ATL1: variants seen among roughly 807,000 people sequenced by gnomAD.
The protein encoded by ATL1 is atlastin-1.
Under a neutral mutation model 75.5 loss-of-function variants are expected in ATL1, and 31 were observed. The ratio of observed to expected loss-of-function variants is 0.41; its 90% CI spans 0.31 to 0.55. The LOEUF (loss-of-function observed/expected upper bound fraction) is 0.55. Among genes scored for constraint, ATL1 ranks in the 20% least tolerant of loss-of-function variants. ATL1 has a pLI of 0.27. For missense variants in ATL1, 405 were observed against 662.6 expected, an observed-to-expected ratio of 0.61 and a Z score of 4.27; for synonymous variants, 226 against 233.3, an observed-to-expected ratio of 0.97 and a Z score of 0.28.
intron 6 of ATL1, among the ~76,000 whole-genome samples, chr14:50,600,862 G>GA (rs2039265142): frequency 6.6e-6 from 1 of 152,106 alleles, no homozygotes; most frequent in African/African-American, 2.4e-5. Flanking sequence ...AGTACTTTGG[G>GA]AGGAGGAGGC....
At position 50,560,152 on chromosome 14, in the gene ATL1, G is replaced by C; in HGVS notation, c.-114G>C. 7.7e-7 allele frequency: 1 copy of C among 1,291,256 alleles called. No individual in the cohort carries two copies. The highest frequency in any genetic ancestry group is 1.3e-5 in the South Asian group (1 of 79,632). 80.0% of individuals were successfully genotyped at this position (1,291,256 alleles called of 1,614,324 possible). ...CGCCACAGCAACATCCTCAGAGTCT[G>C]AGCGAACTGCGCCCAGCGCGGGCAC... On this transcript the variant is annotated 5_prime_UTR_variant, in exon 1 of 14. Transcript: ENST00000358385.
chr14:50,629,366 G>A (rs1265228321), intron 12 of ATL1, among the ~76,000 whole-genome samples: 1 of 152,094 alleles, frequency 6.6e-6, no homozygotes. Flanking sequence ...CGGATCATCT[G>A]AGGTCGGGAG....
At chr14:50,629,725 G>C (rs2039560823) in intron 12 of ATL1, among the ~76,000 whole-genome samples, 1 of 152,142 alleles carries the variant, frequency 6.6e-6, no homozygotes, top group Admixed American at 6.6e-5. Context: ...GCCACTTTCT[G>C]AAATAGTCCC....
At chr14:50,536,979 G>A (rs894046204) in intron 1 of ATL1, among the ~76,000 whole-genome samples, 1 of 152,260 alleles carries the variant, frequency 6.6e-6, no homozygotes, top group African/African-American at 2.4e-5. Flanking sequence ...GCAGGCTGCA[G>A]AAATTTGCAT....
chr14:50,628,179 G>T lies in ATL1; in HGVS notation c.1268G>T (p.Ser423Ile), dbSNP rs760583854. The change falls in exon 12 of 14, where the codon AGT becomes ATT. Residue 423 changes from serine to isoleucine, a missense_variant. By Grantham distance (142) the Ser-to-Ile change is moderately radical (BLOSUM62 -2). Coordinates refer to ENST00000358385, the MANE Select transcript of ATL1 (RefSeq NM_015915.5). ...CGGCGTTACCTGCAGCAGTTGGAGAGTGAAATAGATGAACTTTACATCCAA... is the reference window on the plus strand; with the variant it reads ...CGGCGTTACCTGCAGCAGTTGGAGATTGAAATAGATGAACTTTACATCCAA... ...FSRRYLQQLE[S>I]EIDELYIQYI... is the part of the protein sequence containing the mutation. The T allele has an allele frequency of 6.2e-7, 1 of 1,614,150 alleles. No individual in the cohort carries two copies. Among genetic ancestry groups the T allele is most frequent in the Admixed American group, 1.7e-5 (1 of 60,024 alleles).
At position 50,593,897 on chromosome 14, in the gene ATL1, G is replaced by A; in HGVS notation, c.573+1G>A. ...GGAGGATGATCTTCAGCACCTCCAGGTAACAATATTTATTTTCTTTTTTGT... is the reference window on the plus strand; with the variant it reads ...GGAGGATGATCTTCAGCACCTCCAGATAACAATATTTATTTTCTTTTTTGT... On this transcript the variant is annotated splice_donor_variant, in intron 5 of 13. Coordinates refer to ENST00000358385, the MANE Select transcript of ATL1 (RefSeq NM_015915.5). LOFTEE classifies it high-confidence loss of function. 1 of 1,604,060 alleles carries A rather than the reference G, an allele frequency of 6.2e-7. No individual in the cohort carries two copies. The highest frequency in any genetic ancestry group is 8.5e-7 in the Non-Finnish European group (1 of 1,171,660).
chr14:50,567,564 A>G (rs1408751846), intron 1 of ATL1, among the ~76,000 whole-genome samples: 1 of 152,290 alleles, frequency 6.6e-6, no homozygotes, highest in East Asian at 1.9e-4. Flanking sequence ...AGGTTGTACC[A>G]TTTTATGTTC....
chr14:50,534,317 T>G (rs988623029), intron 1 of ATL1, among the ~76,000 whole-genome samples: 1 of 152,110 alleles, frequency 6.6e-6, no homozygotes, highest in Non-Finnish European at 1.5e-5. Flanking sequence ...ACCAGAACAG[T>G]GTGACAAATC....
intron 13 of ATL1, 118 bp from the exon 14 acceptor site, chr14:50,632,111 A>T: frequency 3.2e-6 from 2 of 627,176 alleles, no homozygotes. Context: ...TATATCGATT[A>T]AAAAAGATTT....
chr14:50,552,734 G>A (rs746634347), intron 1 of ATL1, among the ~76,000 whole-genome samples: 4 of 152,064 alleles, frequency 2.6e-5, no homozygotes, highest in Non-Finnish European at 5.9e-5. Context: ...ACTGGTCGTC[G>A]ACAAAACAAA....
intron 12 of ATL1, among the ~76,000 whole-genome samples, chr14:50,629,157 T>C (rs2039552642): frequency 2.0e-5 from 3 of 152,244 alleles, no homozygotes; most frequent in Admixed American, 2.0e-4. Context: ...AGGAGCTATC[T>C]GAACCACTAT....
At chr14:50,599,914 G>A (rs1007736697) in intron 6 of ATL1, among the ~76,000 whole-genome samples, 1 of 151,874 alleles carries the variant, frequency 6.6e-6, no homozygotes, top group African/African-American at 2.4e-5. Flanking sequence ...GGGAGGAGGT[G>A]AGGTAGAATA....
At chr14:50,562,554 G>A (rs1257418761) in intron 1 of ATL1, among the ~76,000 whole-genome samples, 2 of 152,168 alleles carry the variant, frequency 1.3e-5, no homozygotes, top group Admixed American at 1.3e-4. Flanking sequence ...GTCTTTAGGT[G>A]TTACTTTGAG....
chr14:50,588,801 T>C (rs572429452), intron 2 of ATL1, among the ~76,000 whole-genome samples: 17 of 152,352 alleles, frequency 1.1e-4, no homozygotes, highest in African/African-American at 3.8e-4. Flanking sequence ...AGGATTTTTA[T>C]GAATATCTCA....
chr14:50,589,683 T>A (rs376365383), intron 2 of ATL1, among the ~76,000 whole-genome samples: 1 of 152,128 alleles, frequency 6.6e-6, no homozygotes, highest in African/African-American at 2.4e-5. Context: ...GTATTGGAGA[T>A]GAAGAAGAAA....
chr14:50,587,341 C>A (rs1205187177), intron 1 of ATL1, among the ~76,000 whole-genome samples: 2 of 152,110 alleles, frequency 1.3e-5, no homozygotes, highest in Non-Finnish European at 2.9e-5. Context: ...AAATGTAAGT[C>A]CTCCTGGGAT....
chr14:50,581,110 A>C (rs1435565811), intron 1 of ATL1, among the ~76,000 whole-genome samples: 2 of 151,786 alleles, frequency 1.3e-5, no homozygotes, highest in Admixed American at 6.6e-5. Context: ...TTATTAAGTT[A>C]ATCTCACTGA....
intron 13 of ATL1, chr14:50,631,020 A>T: frequency 6.7e-6 from 3 of 450,958 alleles, no homozygotes; most frequent in Non-Finnish European, 1.3e-5. Flanking sequence ...GCACTTTGGG[A>T]GACTGAGGTG....
At chr14:50,552,098 T>C (rs921796136) in intron 1 of ATL1, among the ~76,000 whole-genome samples, 6 of 152,208 alleles carry the variant, frequency 3.9e-5, no homozygotes, top group African/African-American at 1.4e-4. Context: ...GATATGATCA[T>C]GTACCTAGAA....
Sources: gnomAD v4.1 joint callset for allele counts (sites outside exome capture counted in the v4.1 genomes callset) on GRCh38, gnomAD v4.1.1 for gene constraint, MANE v1.5 for transcripts, NCBI Gene and HGNC (gene_info 2026-07-23, HGNC 2026-07-21) for gene names.